ALMS1: variants seen among roughly 807,000 people sequenced by gnomAD.
The protein encoded by ALMS1 is ALMS1 centrosome and basal body associated protein, also known as centrosome-associated protein ALMS1.
A neutral mutation model predicts 352.2 loss-of-function variants in ALMS1; 271 were observed. The ratio of observed to expected loss-of-function variants is 0.77; its 90% CI spans 0.70 to 0.85. The LOEUF (loss-of-function observed/expected upper bound fraction) is 0.85. Among genes scored for constraint, ALMS1 ranks in the 40% least tolerant of loss-of-function variants. The probability of loss-of-function intolerance (pLI) is 0.00; values close to 1 mark genes in which losing one functional copy is unlikely to be tolerated. For synonymous variants in ALMS1, 1,865 were observed against 1,761.2 expected, an observed-to-expected ratio of 1.06 and a Z score of -1.48; for missense variants, 5,445 against 4,870.7, an observed-to-expected ratio of 1.12 and a Z score of -3.51.
rs1241546898 is a variant in ALMS1 at position 73,453,670 on chromosome 2, T to C, written c.7143T>C (p.Tyr2381=). The C allele has an allele frequency of 2.5e-6, 4 of 1,613,938 alleles. No homozygotes were observed. The African/African-American group carries it at 5.3e-5, about 22-fold the overall frequency. The stretch of plus-strand genomic sequence containing the variant: ...CATTAGAAGAAACTCTTAGGCAATA[T>C]CAAGCAGCCAAATCTGTAATGAGGT... ...SMALEETLRQ[Y]QAAKSVMRSE... is the part of the protein sequence containing the mutation. Residue 2381 remains tyrosine (Y), a synonymous_variant, in exon 8 of 23, where the codon TAT becomes TAC. Coordinates refer to ENST00000613296, the MANE Select transcript of ALMS1 (RefSeq NM_001378454.1).
intron 12 of ALMS1, among the ~76,000 whole-genome samples, chr2:73,542,345 A>G (rs1333346218): frequency 6.6e-6 from 1 of 152,186 alleles, no homozygotes; most frequent in Non-Finnish European, 1.5e-5. Flanking sequence ...CTCTCAATAA[A>G]TGAGGTATTG....
At chr2:73,595,227 T>G (rs1412065339) in intron 16 of ALMS1, among the ~76,000 whole-genome samples, 1 of 152,168 alleles carries the variant, frequency 6.6e-6, no homozygotes, top group Non-Finnish European at 1.5e-5. Flanking sequence ...TACAGTTAAC[T>G]TTTAGTAAAT....
chr2:73,468,590 C>G (rs924566740), intron 9 of ALMS1, among the ~76,000 whole-genome samples: 4 of 151,886 alleles, frequency 2.6e-5, no homozygotes, highest in Non-Finnish European at 5.9e-5. Flanking sequence ...TCCTTTTTGT[C>G]TCATATGATT....
chr2:73,591,748 G>T (rs1464831976), intron 16 of ALMS1, among the ~76,000 whole-genome samples: 1 of 152,118 alleles, frequency 6.6e-6, no homozygotes, highest in African/African-American at 2.4e-5. Flanking sequence ...AAAGCCAAGA[G>T]GAAACATATT....
intron 13 of ALMS1, among the ~76,000 whole-genome samples, chr2:73,554,974 AC>A (rs1674514770): frequency 6.6e-6 from 1 of 152,202 alleles, no homozygotes; most frequent in Non-Finnish European, 1.5e-5. Context: ...GGCATGTAAA[AC>A]TATTTTAAGA....
At chr2:73,432,933 G>C (rs1671531352) in intron 7 of ALMS1, among the ~76,000 whole-genome samples, 2 of 152,158 alleles carry the variant, frequency 1.3e-5, no homozygotes, top group Non-Finnish European at 2.9e-5. Context: ...AAAAGGAATT[G>C]ATTGAGCCCA....
chr2:73,540,606 C>T (rs537111297), intron 12 of ALMS1, among the ~76,000 whole-genome samples: 22 of 152,080 alleles, frequency 1.4e-4, no homozygotes, highest in Non-Finnish European at 1.0e-4. Flanking sequence ...AAGACCCATC[C>T]GTGTGCTGTA....
intron 16 of ALMS1, among the ~76,000 whole-genome samples, chr2:73,593,035 ATCTT>A (rs1675464414): frequency 6.6e-6 from 1 of 152,080 alleles, no homozygotes; most frequent in Non-Finnish European, 1.5e-5. Flanking sequence ...AGTCACCTAA[ATCTT>A]TATGTGTCAG....
chr2:73,533,133 C>G (rs141727592), intron 11 of ALMS1, among the ~76,000 whole-genome samples: 1 of 152,136 alleles, frequency 6.6e-6, no homozygotes, highest in Non-Finnish European at 1.5e-5. Flanking sequence ...TTCCGTCTTC[C>G]GAAGTGAAAG....
intron 9 of ALMS1, chr2:73,459,184 T>C (rs980015579): frequency 6.6e-6 from 1 of 152,318 alleles, no homozygotes; most frequent in South Asian, 2.1e-4. Context: ...TATCTGGTGT[T>C]TTATCATGAT....
chr2:73,475,498 C>A (rs1442594620), intron 9 of ALMS1, among the ~76,000 whole-genome samples: 1 of 152,060 alleles, frequency 6.6e-6, no homozygotes, highest in Admixed American at 6.6e-5. Flanking sequence ...TTTTCATGTG[C>A]TTATTGGTCA....
chr2:73,448,394 T>C lies in ALMS1; in HGVS notation c.1867T>C (p.Ser623Pro), dbSNP rs767987501. Residue 623 changes from serine (S) to proline (P), a missense_variant, in exon 8 of 23, where the codon TCA (serine) becomes CCA (proline). Physicochemically the swap from Ser to Pro is moderately conservative, Grantham distance 74. Coordinates refer to ENST00000613296, the MANE Select transcript of ALMS1 (RefSeq NM_001378454.1). ...GMSTLTSTSY[S>P]HREKPGTFYQ... ...GTCAACTCTAACCTCTACTTCCTAC[T>C]CACATAGAGAGAAGCCTGGTACTTT... The C allele has an allele frequency of 1.7e-4, 273 of 1,613,870 alleles. No homozygotes were observed. Among genetic ancestry groups the C allele is most frequent in the Non-Finnish European group, 2.2e-4 (265 of 1,179,940 alleles).
chr2:73,472,897 G>A lies in ALMS1; in HGVS notation c.7675-16737G>A, dbSNP rs113978542. On this transcript the variant is annotated intron_variant, in intron 9 of 22. Transcript: ENST00000613296. ...ACTGGGGTGGCTTGTCTGTCATCAC[G>A]TGTCAAAAGTATTTAAAAGCCAGAG... Among the ~76,000 whole-genome samples, 158 of 152,136 alleles carry A rather than the reference G, an allele frequency of 1.0e-3. No individual in the cohort carries two copies. In the Middle Eastern group the frequency reaches 0.014, roughly 13 times the overall value.
chr2:73,454,119 A>C (rs982576464), intron 8 of ALMS1, 52 bp downstream of exon 8: 2 of 1,555,696 alleles, frequency 1.3e-6, no homozygotes, highest in Non-Finnish European at 1.7e-6. Flanking sequence ...AATGTGTTTA[A>C]AGTTAGATAT....
chr2:73,447,828 C>T (rs1460857964), intron 7 of ALMS1, 132 bp from the exon 8 acceptor site: 3 of 1,187,712 alleles, frequency 2.5e-6, no homozygotes, highest in Non-Finnish European at 3.3e-6. Context: ...AAATATTTAT[C>T]TCCTTTGATG....
intron 3 of ALMS1, among the ~76,000 whole-genome samples, chr2:73,420,192 A>C (rs1179675869): frequency 6.6e-6 from 1 of 152,204 alleles, no homozygotes; most frequent in African/African-American, 2.4e-5. Flanking sequence ...TCATGTAACA[A>C]ATATCTAAGT....
chr2:73,582,355 G>C (rs1387934031), intron 16 of ALMS1, among the ~76,000 whole-genome samples: 1 of 152,080 alleles, frequency 6.6e-6, no homozygotes, highest in Non-Finnish European at 1.5e-5. Context: ...AGTAAGGAGA[G>C]GGGTGAATTT....
At chr2:73,444,379 G>A (rs1671769491) in intron 7 of ALMS1, among the ~76,000 whole-genome samples, 1 of 151,486 alleles carries the variant, frequency 6.6e-6, no homozygotes, top group Non-Finnish European at 1.5e-5. Flanking sequence ...TTTGGGATTT[G>A]ATGTTTGAGT....
At chr2:73,600,548 G>A (rs1049503452) in intron 17 of ALMS1, 130 bp from the exon 18 acceptor site, 11 of 757,454 alleles carry the variant, frequency 1.5e-5, no homozygotes, top group African/African-American at 1.8e-5. Context: ...CTCTCTCTTC[G>A]CATCCCTCCA....
Sources: allele counts gnomAD v4.1 joint callset (sites outside exome capture counted in the v4.1 genomes callset), GRCh38; gene constraint gnomAD v4.1.1; transcripts MANE v1.5; gene names NCBI Gene and HGNC (gene_info 2026-07-23, HGNC 2026-07-21).